LRRC4C: variants seen among roughly 807,000 people sequenced by gnomAD.
LRRC4C encodes leucine rich repeat containing 4C.
In LRRC4C, 5 loss-of-function variants were observed where a neutral mutation model predicts 33.6. The observed-to-expected ratio is 0.15, with a 90% CI of 0.08 to 0.31. The LOEUF (loss-of-function observed/expected upper bound fraction) is 0.31, where lower values mean the gene tolerates loss of function less well. Ranked by LOEUF, LRRC4C falls within the 10% of genes least tolerant of loss-of-function variation. LRRC4C has a pLI of 1.00. For synonymous variants in LRRC4C, 329 were observed against 302.0 expected (o/e 1.09, Z -0.93); for missense variants, 560 against 796.7 (o/e 0.70, Z 3.58).
chr11:40,461,106 CA>C (rs1952376450), intron 3 of LRRC4C, among the ~76,000 whole-genome samples: 1 of 152,038 alleles, frequency 6.6e-6, no homozygotes, highest in Admixed American at 6.6e-5. Flanking sequence ...AACAACAAAA[CA>C]GACAAAAAAT....
intron 1 of LRRC4C, among the ~76,000 whole-genome samples, chr11:40,969,960 T>C (rs1851610166): frequency 6.6e-6 from 1 of 152,104 alleles, no homozygotes; most frequent in African/African-American, 2.4e-5. Context: ...AAGGCAGAAG[T>C]GAGTGTCTGC....
intron 2 of LRRC4C, among the ~76,000 whole-genome samples, chr11:40,769,870 A>C (rs61888004): frequency 1.5e-4 from 23 of 152,294 alleles, no homozygotes; most frequent in South Asian, 6.2e-4. Context: ...TCAAACTATG[A>C]AACTACTCAA....
At chr11:41,393,888 T>C (rs1953701842) in intron 1 of LRRC4C, among the ~76,000 whole-genome samples, 1 of 152,024 alleles carries the variant, frequency 6.6e-6, no homozygotes, top group Non-Finnish European at 1.5e-5. Flanking sequence ...TTTCCTTGCA[T>C]ATGTTTACTC....
chr11:40,362,605 A>G (rs1452699277), intron 3 of LRRC4C, among the ~76,000 whole-genome samples: 1 of 152,160 alleles, frequency 6.6e-6, no homozygotes, highest in Non-Finnish European at 1.5e-5. Context: ...CTGTAGTTCC[A>G]GCTACTTGGG....
intron 2 of LRRC4C, among the ~76,000 whole-genome samples, chr11:40,750,675 G>A (rs1948648211): frequency 8.8e-6 from 1 of 113,418 alleles, no homozygotes; most frequent in Non-Finnish European, 1.7e-5. Context: ...AGGGGGGAGG[G>A]ACAGCATTAG....
intron 1 of LRRC4C, among the ~76,000 whole-genome samples, chr11:41,401,427 T>C (rs898199530): frequency 6.6e-6 from 1 of 151,740 alleles, no homozygotes; most frequent in Non-Finnish European, 1.5e-5. Flanking sequence ...CTAGTGATTA[T>C]CTGGTGCATT....
Position 40,114,617 on chromosome 11 carries a change from T to C in LRRC4C, c.1676A>G (p.His559Arg). Residue 559 changes from histidine to arginine, a missense_variant, in exon 7 of 7, where the codon CAT becomes CGT. Physicochemically the swap from His to Arg is conservative, Grantham distance 29 (BLOSUM62 0). This residue lies in a region of LRRC4C where 103 missense variants were observed against 132.1 expected (regional missense o/e 0.78). Transcript: ENST00000528697. Reference sequence around the variant, plus strand: ...TTCAACAGTCCTTGTTGGGGCGTGATGGTTTTGCCGATGGTGCTGCTTCCT... The same window carrying C: ...TTCAACAGTCCTTGTTGGGGCGTGACGGTTTTGCCGATGGTGCTGCTTCCT... The part of the protein sequence containing the change: ...KMRKQHHRQN[H>R]HAPTRTVEII... The C allele has an allele frequency of 6.2e-7, 1 of 1,614,214 alleles. No individual in the cohort carries two copies. The highest frequency in any genetic ancestry group is 8.5e-7 in the Non-Finnish European group (1 of 1,180,034).
intron 1 of LRRC4C, among the ~76,000 whole-genome samples, chr11:40,946,592 C>G (rs959121305): frequency 6.6e-6 from 1 of 152,160 alleles, no homozygotes; most frequent in Non-Finnish European, 1.5e-5. Flanking sequence ...GCCTTGCCAG[C>G]CTTGCCAACC....
rs910159299 is a variant in LRRC4C, at chr11:40,559,171, T to C, written c.-270+88971A>G. 4.7e-5 allele frequency among the ~76,000 whole-genome samples: 7 copies of C among 149,450 alleles called. No homozygotes were observed. In the South Asian group the frequency reaches 1.5e-3, roughly 32 times the overall value. ...GAATAGTGCTGCAATGAAAATTCGC[T>C]TGCATGCGTCTTTTTTTTTTTTTTT... On this transcript the variant is annotated intron_variant, in intron 3 of 6. Coordinates refer to ENST00000528697, the MANE Select transcript of LRRC4C (RefSeq NM_001258419.2).
chr11:40,528,660 A>G (rs1252554905), intron 3 of LRRC4C, among the ~76,000 whole-genome samples: 1 of 152,196 alleles, frequency 6.6e-6, no homozygotes, highest in Non-Finnish European at 1.5e-5. Flanking sequence ...ATGAACTGAA[A>G]TAAGAATCTC....
At chr11:40,133,483 GATTT>G (rs1332663353) in intron 6 of LRRC4C, among the ~76,000 whole-genome samples, 1 of 152,138 alleles carries the variant, frequency 6.6e-6, no homozygotes, top group Non-Finnish European at 1.5e-5. Context: ...AGATGTCTGG[GATTT>G]ATTTTATAGT....
chr11:41,104,993 TA>T (rs921598594), intron 1 of LRRC4C, among the ~76,000 whole-genome samples: 2 of 151,342 alleles, frequency 1.3e-5, no homozygotes, highest in Non-Finnish European at 3.0e-5. Context: ...TAAGAAATGT[TA>T]AAAAAAAATT....
At chr11:41,001,510 C>CTG (rs892905587) in intron 1 of LRRC4C, among the ~76,000 whole-genome samples, 1 of 151,978 alleles carries the variant, frequency 6.6e-6, no homozygotes, top group African/African-American at 2.4e-5. Context: ...ATCAGGATCC[C>CTG]TGTGAGACCA....
chr11:40,709,061 A>T (rs951216704), intron 2 of LRRC4C, among the ~76,000 whole-genome samples: 1 of 151,732 alleles, frequency 6.6e-6, no homozygotes, highest in Non-Finnish European at 1.5e-5. Context: ...TGCTTGGTAG[A>T]TTTTACTCTA....
At chr11:40,569,157 C>G (rs1322222908) in intron 3 of LRRC4C, among the ~76,000 whole-genome samples, 2 of 152,132 alleles carry the variant, frequency 1.3e-5, no homozygotes, top group African/African-American at 2.4e-5. Flanking sequence ...ATCTCCACAC[C>G]TTTCAGGCCT....
intron 4 of LRRC4C, among the ~76,000 whole-genome samples, chr11:40,306,972 G>A (rs1590261113): frequency 1.4e-5 from 2 of 144,778 alleles, no homozygotes; most frequent in South Asian, 4.7e-4. Context: ...GGCACAATTG[G>A]TATTTCAAGT....
intron 3 of LRRC4C, among the ~76,000 whole-genome samples, chr11:40,488,604 T>C (rs2138487267): frequency 6.6e-6 from 1 of 152,262 alleles, no homozygotes; most frequent in South Asian, 2.1e-4. Flanking sequence ...GCCTTGTGGC[T>C]TTCTGCAACT....
intron 3 of LRRC4C, among the ~76,000 whole-genome samples, chr11:40,618,348 C>T (rs1174332776): frequency 1.3e-5 from 2 of 151,548 alleles, no homozygotes; most frequent in African/African-American, 4.8e-5. Flanking sequence ...TTGCTGGCAA[C>T]CACCAGAAGA....
intron 2 of LRRC4C, among the ~76,000 whole-genome samples, chr11:40,856,631 G>T (rs1243169371): frequency 2.6e-5 from 4 of 152,186 alleles, no homozygotes; most frequent in African/African-American, 9.6e-5. Context: ...TGGCATTTCA[G>T]AAGCAGCATA....
Sources: allele counts gnomAD v4.1 joint callset (sites outside exome capture counted in the v4.1 genomes callset), GRCh38; gene constraint gnomAD v4.1.1; regional missense constraint gnomAD v4.1.1; transcripts MANE v1.5; gene names NCBI Gene and HGNC (gene_info 2026-07-23, HGNC 2026-07-21).